The following CLIP1 variants were observed in gnomAD, a reference collection of about 807,000 sequenced individuals.
CLIP1 encodes CAP-Gly domain-containing linker protein 1.
In CLIP1, 66 loss-of-function variants were observed where a neutral mutation model predicts 161.6. That is an observed-to-expected ratio of 0.41 (90% confidence interval 0.33 to 0.50). The LOEUF (loss-of-function observed/expected upper bound fraction) is 0.50, where lower values mean the gene tolerates loss of function less well. CLIP1 is among the 20% of genes least tolerant of loss of function. CLIP1 has a pLI of 0.27. For missense variants in CLIP1, 1,376 were observed against 1,702.0 expected, an observed-to-expected ratio of 0.81 and a Z score of 3.37; for synonymous variants, 598 against 626.2, an observed-to-expected ratio of 0.96 and a Z score of 0.67.
intron 9 of CLIP1, among the ~76,000 whole-genome samples, chr12:122,347,720 G>A (rs1952817861): frequency 6.6e-6 from 1 of 152,096 alleles, no homozygotes; most frequent in Non-Finnish European, 1.5e-5. Context: ...AGAAAAAATG[G>A]AAAACACATG....
At chr12:122,409,229 G>A (rs1464928707) in intron 1 of CLIP1, among the ~76,000 whole-genome samples, 2 of 151,692 alleles carry the variant, frequency 1.3e-5, no homozygotes, top group Non-Finnish European at 2.9e-5. Context: ...AGGTTCAAGC[G>A]ATTCTTCCGC....
At chr12:122,370,292 G>T (rs1236326432) in intron 3 of CLIP1, among the ~76,000 whole-genome samples, 2 of 152,124 alleles carry the variant, frequency 1.3e-5, no homozygotes, top group African/African-American at 2.4e-5. Flanking sequence ...AGAACAAGGG[G>T]CACTGCAAGT....
chr12:122,372,506 G>T (rs1176405159), intron 3 of CLIP1, among the ~76,000 whole-genome samples: 1 of 151,092 alleles, frequency 6.6e-6, no homozygotes, highest in Non-Finnish European at 1.5e-5. Context: ...AGAATCGCTT[G>T]AACTCACGGG....
intron 15 of CLIP1, among the ~76,000 whole-genome samples, chr12:122,330,112 C>T (rs948829238): frequency 1.3e-5 from 2 of 151,188 alleles, no homozygotes; most frequent in East Asian, 1.9e-4. Flanking sequence ...AGCAAAGCTC[C>T]GTCTCAAAAA....
intron 3 of CLIP1, chr12:122,364,740 C>T (rs1954041022): frequency 9.6e-6 from 6 of 622,934 alleles, no homozygotes; most frequent in Admixed American, 9.5e-5. Flanking sequence ...GTTCCTGCTT[C>T]GCCTTTCGGC....
At chr12:122,298,346 A>G (rs1207512834) in intron 20 of CLIP1, among the ~76,000 whole-genome samples, 2 of 152,188 alleles carry the variant, frequency 1.3e-5, no homozygotes, top group African/African-American at 4.8e-5. Flanking sequence ...TGGCGGCTCA[A>G]GCCTGTAATT....
chr12:122,303,347 C>T (rs1326474251), intron 20 of CLIP1, among the ~76,000 whole-genome samples: 1 of 152,150 alleles, frequency 6.6e-6, no homozygotes, highest in East Asian at 1.9e-4. Flanking sequence ...TACACTTCAT[C>T]TTATTCTCGA....
chr12:122,354,047 A>G (rs1310927311), intron 7 of CLIP1, among the ~76,000 whole-genome samples: 1 of 152,108 alleles, frequency 6.6e-6, no homozygotes, highest in Admixed American at 6.5e-5. Context: ...CTTTGGTTCT[A>G]AGGGTTGATA....
At chr12:122,310,494 T>C (rs967765037) in intron 19 of CLIP1, among the ~76,000 whole-genome samples, 1 of 152,236 alleles carries the variant, frequency 6.6e-6, no homozygotes, top group African/African-American at 2.4e-5. Flanking sequence ...TCCACAATGC[T>C]AATTTATAAT....
intron 15 of CLIP1, among the ~76,000 whole-genome samples, chr12:122,331,066 G>A (rs1951941110): frequency 6.6e-6 from 1 of 151,452 alleles, no homozygotes; most frequent in South Asian, 2.1e-4. Context: ...CCAGGCTGGA[G>A]TGCAATGGCA....
intron 1 of CLIP1, among the ~76,000 whole-genome samples, chr12:122,414,144 G>C (rs1487229552): frequency 6.6e-6 from 1 of 151,944 alleles, no homozygotes; most frequent in Non-Finnish European, 1.5e-5. Flanking sequence ...TTTTTTGTTT[G>C]TTTGTTTTTT....
At chr12:122,390,288 A>ATG (rs1566214721) in intron 1 of CLIP1, among the ~76,000 whole-genome samples, 2 of 131,712 alleles carry the variant, frequency 1.5e-5, no homozygotes, top group East Asian at 2.6e-4. Flanking sequence ...ACATATATAT[A>ATG]TATATATATA....
At chr12:122,365,294 T>C (rs1593173088) in intron 3 of CLIP1, 2 of 772,780 alleles carry the variant, frequency 2.6e-6, no homozygotes, top group East Asian at 2.4e-5. Context: ...AAGGAATGCG[T>C]ACTGTTCAAA....
At chr12:122,333,173 C>T (rs746238301) in intron 14 of CLIP1, 30 bp from the exon 15 acceptor site, 17 of 1,562,794 alleles carry the variant, frequency 1.1e-5, no homozygotes, top group African/African-American at 8.2e-5. Context: ...AAGAATAGCA[C>T]GGCTGTGTTA....
intron 21 of CLIP1, among the ~76,000 whole-genome samples, chr12:122,285,210 T>C (rs1041119075): frequency 6.7e-5 from 10 of 150,330 alleles, no homozygotes; most frequent in African/African-American, 2.5e-4. Context: ...GCTACATAAA[T>C]GTAGGGAGAT....
At position 122,284,246 on chromosome 12, in the gene CLIP1, T is replaced by A. The variant is rs138531466; in HGVS notation, c.3647+4243A>T. Reference sequence around the variant, plus strand: ...AGTCATCTTTATCTATAATTTCTGATGAAAATTAAGAGTGATTTTCAAGAG... The same window carrying A: ...AGTCATCTTTATCTATAATTTCTGAAGAAAATTAAGAGTGATTTTCAAGAG... On this transcript the variant is annotated intron_variant, in intron 21 of 25. Coordinates refer to ENST00000620786, the MANE Select transcript of CLIP1 (RefSeq NM_001247997.2). Among the ~76,000 whole-genome samples the A allele has an allele frequency of 8.4e-4, 128 of 152,266 alleles. No homozygotes were observed. The East Asian group carries it at 0.02, about 24-fold the overall frequency.
chr12:122,380,765 A>G (rs1593205942), intron 1 of CLIP1, among the ~76,000 whole-genome samples: 1 of 152,236 alleles, frequency 6.6e-6, no homozygotes, highest in East Asian at 1.9e-4. Context: ...CAAGACAAGC[A>G]GTTAGCCAGG....
Position 122,351,149 on chromosome 12 carries a change from A to G in CLIP1, c.1369-6T>C. The G allele has an allele frequency of 6.7e-7, 1 of 1,483,704 alleles. No homozygotes were observed. Among genetic ancestry groups the G allele is most frequent in the Non-Finnish European group, 8.9e-7 (1 of 1,122,118 alleles). The allele number at this position is 1,483,704 out of a possible 1,614,324, so 91.9% of individuals were successfully genotyped here. A position where few individuals can be genotyped will look rare whatever the true frequency, so the allele number is the denominator to read the frequency against. On this transcript the variant is annotated splice_polypyrimidine_tract_variant and splice_region_variant and intron_variant, in intron 8 of 25. Transcript: ENST00000620786. Reference sequence around the variant, plus strand: ...TCAGAAATCTGGCTCTTTTGCTATCAGTAAAAAAATAAAAAAAATTAAACA... The same window carrying G: ...TCAGAAATCTGGCTCTTTTGCTATCGGTAAAAAAATAAAAAAAATTAAACA...
chr12:122,368,902 A>G (rs1044564705), intron 3 of CLIP1, among the ~76,000 whole-genome samples: 1 of 152,050 alleles, frequency 6.6e-6, no homozygotes, highest in Non-Finnish European at 1.5e-5. Flanking sequence ...CTGCACTTCA[A>G]TAAAAAAAAA....
Sources: allele counts gnomAD v4.1 joint callset (sites outside exome capture counted in the v4.1 genomes callset), GRCh38; gene constraint gnomAD v4.1.1; transcripts MANE v1.5; gene names NCBI Gene and HGNC (gene_info 2026-07-23, HGNC 2026-07-21).